Variants in IPPK observed in about 807,000 individuals in gnomAD.
IPPK encodes inositol-pentakisphosphate 2-kinase.
Under a neutral mutation model 64.6 loss-of-function variants are expected in IPPK, and 22 were observed. The observed-to-expected ratio is 0.34, with a 90% CI of 0.24 to 0.49. The LOEUF is 0.49. Ranked by LOEUF, IPPK falls within the 20% of genes least tolerant of loss-of-function variation. The pLI is 0.99. For missense variants in IPPK, 532 were observed against 630.7 expected, an observed-to-expected ratio of 0.84 and a Z score of 1.68; for synonymous variants, 262 against 247.2, an observed-to-expected ratio of 1.06 and a Z score of -0.56.
intron 11 of IPPK, among the ~76,000 whole-genome samples, chr9:92,632,023 G>A (rs1851855451): frequency 6.6e-6 from 1 of 152,210 alleles, no homozygotes; most frequent in Non-Finnish European, 1.5e-5. Context: ...GCCCCCTGGA[G>A]GTCCACCTGG....
At chr9:92,655,676 A>T (rs1852358739) in intron 3 of IPPK, among the ~76,000 whole-genome samples, 1 of 152,188 alleles carries the variant, frequency 6.6e-6, no homozygotes, top group Non-Finnish European at 1.5e-5. Context: ...TCTTGCCTCC[A>T]AGAATGTTCC....
chr9:92,638,168 C>T lies in IPPK; in HGVS notation c.749G>A (p.Gly250Glu). ...GATCACAGCCCTTGTGCAGTGGGGC[C>T]CACTGGCCAGGCCGTTGGAAGGGAA... The part of the protein sequence containing the change: ...FFFPSNGLAS[G>E]PHCTRAVIRE... Residue 250 changes from glycine to glutamate, a missense_variant, in exon 9 of 13, where the codon GGG becomes GAG. By Grantham distance (98) the Gly-to-Glu change is moderately conservative. Coordinates refer to ENST00000287996, the MANE Select transcript of IPPK (RefSeq NM_022755.6). The T allele has an allele frequency of 6.2e-7, 1 of 1,614,218 alleles. No individual in the cohort carries two copies. Among genetic ancestry groups the T allele is most frequent in the Non-Finnish European group, 8.5e-7 (1 of 1,180,046 alleles).
chr9:92,669,871 T>G, intron 1 of IPPK, 37 bp downstream of exon 1: 1 of 1,510,786 alleles, frequency 6.6e-7, no homozygotes, highest in Non-Finnish European at 9.1e-7. Flanking sequence ...GCCGTCGGAG[T>G]GAGGTACCGG....
rs897247085 is a variant in IPPK at position 92,614,960 on chromosome 9, G to C, written c.*872C>G. On this transcript the variant is annotated 3_prime_UTR_variant, in exon 13 of 13. Coordinates refer to ENST00000287996, the MANE Select transcript of IPPK (RefSeq NM_022755.6). ...CCCGAGGGAGGAACTTGGTCTGGGA[G>C]GAAGAGAGAACTCGCTCCTCAACCA... 3 of 152,298 alleles carry C rather than the reference G, an allele frequency of 2.0e-5. No homozygotes were observed. The highest frequency in any genetic ancestry group is 4.4e-5 in the Non-Finnish European group (3 of 68,058). 9.4% of individuals were successfully genotyped at this position (152,298 alleles called of 1,614,324 possible). A position where few individuals can be genotyped will look rare whatever the true frequency, so the allele number is the denominator to read the frequency against.
intron 3 of IPPK, among the ~76,000 whole-genome samples, chr9:92,653,718 G>A (rs953072985): frequency 1.3e-5 from 2 of 152,116 alleles, no homozygotes; most frequent in Non-Finnish European, 1.5e-5. Context: ...GTGTGGTGGC[G>A]CACGCCTGTA....
At chr9:92,664,482 G>A (rs1329474095) in intron 1 of IPPK, among the ~76,000 whole-genome samples, 1 of 152,158 alleles carries the variant, frequency 6.6e-6, no homozygotes, top group Non-Finnish European at 1.5e-5. Flanking sequence ...ACTCCGTCCT[G>A]ACCTCATGGT....
intron 6 of IPPK, among the ~76,000 whole-genome samples, chr9:92,643,632 A>G (rs569116207): frequency 6.6e-6 from 1 of 152,210 alleles, no homozygotes; most frequent in East Asian, 1.9e-4. Flanking sequence ...CCATGCATAT[A>G]TCCAAATATG....
In IPPK at chr9:92,614,299, C is replaced by G. The variant is rs1851362656; in HGVS notation, c.*1533G>C. 1 of 153,062 alleles carries G rather than the reference C, an allele frequency of 6.5e-6. No homozygotes were observed. Among genetic ancestry groups the G allele is most frequent in the South Asian group, 2.1e-4 (1 of 4,846 alleles). 9.5% of individuals were successfully genotyped at this position (153,062 alleles called of 1,614,324 possible). ...GGCTGCCCCAGCCCCAGCCCAGCAACAGTGAACTCCCTTGGGTCAAGACAG... is the reference window on the plus strand; with the variant it reads ...GGCTGCCCCAGCCCCAGCCCAGCAAGAGTGAACTCCCTTGGGTCAAGACAG... On this transcript the variant is annotated 3_prime_UTR_variant, in exon 13 of 13. Transcript: ENST00000287996.
intron 11 of IPPK, among the ~76,000 whole-genome samples, chr9:92,633,244 C>T (rs1202754989): frequency 6.6e-6 from 1 of 151,998 alleles, no homozygotes; most frequent in Non-Finnish European, 1.5e-5. Context: ...ATCTCCTGAC[C>T]TCATAATCCA....
At position 92,614,175 on chromosome 9, in the gene IPPK, C is replaced by G. The variant is rs1192657567; in HGVS notation, c.*1657G>C. The G allele has an allele frequency of 6.6e-6, 1 of 152,464 alleles. No individual in the cohort carries two copies. The highest frequency in any genetic ancestry group is 1.5e-5 in the Non-Finnish European group (1 of 68,232). The allele number at this position is 152,464 out of a possible 1,614,324, so 9.4% of individuals were successfully genotyped here. A position where few individuals can be genotyped will look rare whatever the true frequency, so the allele number is the denominator to read the frequency against. On this transcript the variant is annotated 3_prime_UTR_variant, in exon 13 of 13. Coordinates refer to ENST00000287996, the MANE Select transcript of IPPK (RefSeq NM_022755.6). Reference sequence around the variant, plus strand: ...CCCTGAAGGACCTAGGGAGCCCAGCCCACCTTCCCACGGACTGGGGTTCCC... The same window carrying G: ...CCCTGAAGGACCTAGGGAGCCCAGCGCACCTTCCCACGGACTGGGGTTCCC...
chr9:92,625,331 T>C (rs72756405), intron 11 of IPPK, among the ~76,000 whole-genome samples: 6,034 of 152,304 alleles, frequency 0.04, 186 homozygotes, highest in South Asian at 0.11. Flanking sequence ...GGGAGGACAA[T>C]GTGACAGGAT....
At chr9:92,653,006 G>A (rs959745889) in intron 3 of IPPK, among the ~76,000 whole-genome samples, 16 of 152,166 alleles carry the variant, frequency 1.1e-4, no homozygotes, top group African/African-American at 3.6e-4. Context: ...ACCCAGAGCA[G>A]TTCTTAGACC....
intron 2 of IPPK, among the ~76,000 whole-genome samples, chr9:92,657,539 A>C (rs994289271): frequency 3.3e-5 from 5 of 152,172 alleles, no homozygotes; most frequent in Admixed American, 1.3e-4. Flanking sequence ...TGGGGGAGTC[A>C]AGGTTAGGGT....
At chr9:92,627,337 C>G (rs1851751916) in intron 11 of IPPK, among the ~76,000 whole-genome samples, 1 of 152,150 alleles carries the variant, frequency 6.6e-6, no homozygotes, top group Non-Finnish European at 1.5e-5. Flanking sequence ...ATAGAAGAGG[C>G]TGGAACACCA....
chr9:92,634,837 G>A (rs548458817), intron 10 of IPPK, among the ~76,000 whole-genome samples: 1 of 152,338 alleles, frequency 6.6e-6, no homozygotes, highest in Admixed American at 6.5e-5. Flanking sequence ...CAGAGGCTGG[G>A]CTGACACAGA....
At position 92,638,027 on chromosome 9, in the gene IPPK, G is replaced by C. The variant is rs755750229; in HGVS notation, c.890C>G (p.Pro297Arg). 1 of 1,593,472 alleles carries C rather than the reference G, an allele frequency of 6.3e-7. No individual in the cohort carries two copies. Among genetic ancestry groups the C allele is most frequent in the South Asian group, 1.1e-5 (1 of 88,778 alleles). Residue 297 changes from proline (P) to arginine (R), a missense_variant, in exon 9 of 13, where the codon CCT becomes CGT. By Grantham distance (103) the Pro-to-Arg change is moderately radical (BLOSUM62 -2). Transcript: ENST00000287996. ...TTGGCAGCGAAGGCTCCTACTGAAA[G>C]GGCTGGCTTCGCAGACTCGCGGGCC... Reference protein sequence around the residue: ...PQGPRVCEASPFSRSLRCQGK... With the variant: ...PQGPRVCEASRFSRSLRCQGK...
At chr9:92,650,794 C>T (rs1364370006) in intron 4 of IPPK, among the ~76,000 whole-genome samples, 2 of 152,174 alleles carry the variant, frequency 1.3e-5, no homozygotes, top group Non-Finnish European at 2.9e-5. Context: ...GGGCTGCAGG[C>T]TCTACCTTCT....
At chr9:92,638,650 C>T (rs1564032834) in intron 8 of IPPK, among the ~76,000 whole-genome samples, 1 of 152,248 alleles carries the variant, frequency 6.6e-6, no homozygotes, top group Non-Finnish European at 1.5e-5. Context: ...AACCTGAGGG[C>T]CTTGGCTCTG....
intron 8 of IPPK, among the ~76,000 whole-genome samples, chr9:92,639,694 A>G (rs1852010270): frequency 6.6e-6 from 1 of 152,212 alleles, no homozygotes; most frequent in Admixed American, 6.5e-5. Flanking sequence ...CTGATGAAAC[A>G]GAATGTATCT....
Sources: gnomAD v4.1 joint callset for allele counts (sites outside exome capture counted in the v4.1 genomes callset) on GRCh38, gnomAD v4.1.1 for gene constraint, MANE v1.5 for transcripts, NCBI Gene and HGNC (gene_info 2026-07-23, HGNC 2026-07-21) for gene names.